The following HOMER3 variants were observed in gnomAD, a reference collection of about 807,000 sequenced individuals.
HOMER3 encodes homer scaffold protein 3, also known as homer protein homolog 3.
A neutral mutation model predicts 45.5 loss-of-function variants in HOMER3; 34 were observed. That is an observed-to-expected ratio of 0.75 (90% CI 0.57 to 1.00). HOMER3 has a LOEUF of 1.00. HOMER3 is among the 50% of genes least tolerant of loss of function. The pLI is 0.00. For missense variants in HOMER3, 480 were observed against 497.5 expected (o/e 0.96, Z 0.33); for synonymous variants, 223 against 208.8 (o/e 1.07, Z -0.58).
At position 18,938,952 on chromosome 19, in the gene HOMER3, G is replaced by A. The variant is rs1474852878; in HGVS notation, c.14+17C>T. ...CTTAGAAAGCTCAGGGCCAGGCTGG[G>A]GGAGGTGGGAGCTCACCTGGCTGTG... On this transcript the variant is annotated intron_variant, in intron 2 of 9. Transcript: ENST00000392351. The A allele has an allele frequency of 3.7e-6, 6 of 1,605,544 alleles. No individual in the cohort carries two copies. Among genetic ancestry groups the A allele is most frequent in the South Asian group, 1.1e-5 (1 of 89,546 alleles).
chr19:18,935,831 C>A (rs543750310), intron 4 of HOMER3, among the ~76,000 whole-genome samples: 1 of 151,762 alleles, frequency 6.6e-6, no homozygotes, highest in Non-Finnish European at 1.5e-5. Flanking sequence ...ACCAGCCTGG[C>A]CAACATGGTG....
intron 5 of HOMER3, among the ~76,000 whole-genome samples, chr19:18,933,303 A>G (rs904426442): frequency 2.0e-5 from 3 of 152,062 alleles, no homozygotes; most frequent in Non-Finnish European, 4.4e-5. Context: ...AGTCTGATGC[A>G]GGTTAGTCTA....
chr19:18,938,387 C>T lies in HOMER3; in HGVS notation c.269G>A (p.Gly90Asp). 1 of 1,613,948 alleles carries T rather than the reference C, an allele frequency of 6.2e-7. No individual in the cohort carries two copies. The highest frequency in any genetic ancestry group is 8.5e-7 in the Non-Finnish European group (1 of 1,179,872). The stretch of plus-strand genomic sequence containing the variant: ...ATGCTGTTCAGAGGCAAAGCCCAGG[C>T]CGTAGACTGTGTTGGCGCGACTGTC... The part of the protein sequence containing the change: ...WADSRANTVY[G>D]LGFASEQHLT... The change falls in exon 4 of 10, where the codon GGC becomes GAC. Residue 90 changes from glycine (G) to aspartate (D), a missense_variant. By Grantham distance (94) the Gly-to-Asp change is moderately conservative. Coordinates refer to ENST00000392351, the MANE Select transcript of HOMER3 (RefSeq NM_004838.4).
Position 18,938,783 on chromosome 19 carries a change from T to C in HOMER3, c.116A>G (p.Tyr39Cys), listed in dbSNP as rs374896199. 4.9e-5 allele frequency: 79 copies of C among 1,596,618 alleles called. No individual in the cohort carries two copies. Among genetic ancestry groups the C allele is most frequent in the South Asian group, 2.2e-4 (19 of 88,366 alleles). Reference protein sequence around the residue: ...PAGKHALTVSYFYDATRNVYR... With the variant: ...PAGKHALTVSCFYDATRNVYR... ...CACATTGCGGGTGGCATCGTAGAAATAGGAGACAGTGAGTGCGTGCTTGCC... is the reference window on the plus strand; with the variant it reads ...CACATTGCGGGTGGCATCGTAGAAACAGGAGACAGTGAGTGCGTGCTTGCC... Residue 39 changes from tyrosine to cysteine, a missense_variant, in exon 3 of 10, where the codon TAT becomes TGT. Transcript: ENST00000392351.
chr19:18,932,879 A>AAAC, intron 6 of HOMER3, 45 bp downstream of exon 6: 1 of 226,452 alleles, frequency 4.4e-6, no homozygotes, highest in Non-Finnish European at 8.4e-6. Flanking sequence ...CTCGTCCCCC[A>AAAC]CCCCTACCCC....
Position 18,929,250 on chromosome 19 carries a change from A to C in HOMER3, c.*193T>G. On this transcript the variant is annotated 3_prime_UTR_variant, in exon 10 of 10. Coordinates refer to ENST00000392351, the MANE Select transcript of HOMER3 (RefSeq NM_004838.4). ...GGATCTAGAAATTCTACACAATGAG[A>C]AGCTCAAAAACAGCCCCAAAGCTGC... The C allele has an allele frequency of 1.3e-6, 1 of 767,238 alleles. No individual in the cohort carries two copies. Among genetic ancestry groups the C allele is most frequent in the Non-Finnish European group, 2.4e-6 (1 of 420,594 alleles). The allele number at this position is 767,238 out of a possible 1,614,324, so 47.5% of individuals were successfully genotyped here.
chr19:18,931,231 C>T (rs533011869), intron 9 of HOMER3, 94 bp downstream of exon 9: 3 of 1,155,078 alleles, frequency 2.6e-6, no homozygotes, highest in East Asian at 4.7e-5. Context: ...ACTGGGCCTC[C>T]CAATACTTTA....
At chr19:18,929,994 A>G (rs2057013069) in intron 9 of HOMER3, among the ~76,000 whole-genome samples, 1 of 151,990 alleles carries the variant, frequency 6.6e-6, no homozygotes, top group African/African-American at 2.4e-5. Flanking sequence ...TTACACCTGT[A>G]ATCCCAGAAC....
At chr19:18,935,216 T>A (rs1238738586) in intron 4 of HOMER3, among the ~76,000 whole-genome samples, 2 of 147,390 alleles carry the variant, frequency 1.4e-5, no homozygotes, top group African/African-American at 5.0e-5. Context: ...CTCAGCTCAC[T>A]GCAACCTCTG....
chr19:18,934,427 GAA>G lies in HOMER3; in HGVS notation c.304-19_304-18del, dbSNP rs771093465. The G allele has an allele frequency of 3.3e-6, 5 of 1,519,330 alleles. No homozygotes were observed. The highest frequency in any genetic ancestry group is 2.5e-5 in the East Asian group (1 of 40,656). The allele number at this position is 1,519,330 out of a possible 1,614,324, so 94.1% of individuals were successfully genotyped here. On this transcript the variant is annotated intron_variant, in intron 4 of 9. Transcript: ENST00000392351. The stretch of plus-strand genomic sequence containing the variant: ...CTCGGCAAACTAAGGGAGTGGGGAG[GAA>G]AAGACAGTAAAACCCCAGCCCATCC...
chr19:18,929,587 C>T lies in HOMER3; in HGVS notation c.942G>A (p.Met314Ile). The stretch of plus-strand genomic sequence containing the variant: ...CCCGTGCCTCCTCCAGGCTGCGCTC[C>T]ATCGCCCGCAGCTGGTGCTCCAACT... ...NAELEHQLRA[M>I]ERSLEEARAE... Residue 314 changes from methionine (M) to isoleucine (I), a missense_variant, in exon 10 of 10, where the codon ATG (methionine) becomes ATA (isoleucine). Transcript: ENST00000392351. 4 of 1,541,674 alleles carry T rather than the reference C, an allele frequency of 2.6e-6. No homozygotes were observed. The highest frequency in any genetic ancestry group is 3.5e-6 in the Non-Finnish European group (4 of 1,142,894).
At chr19:18,934,499 G>A (rs759989187) in intron 4 of HOMER3, 89 bp from the exon 5 acceptor site, 17 of 669,664 alleles carry the variant, frequency 2.5e-5, no homozygotes, top group Middle Eastern at 5.0e-4. Flanking sequence ...CGCCACTTTC[G>A]AACCGTACCC....
intron 4 of HOMER3, among the ~76,000 whole-genome samples, chr19:18,935,695 C>T (rs1234852355): frequency 6.6e-6 from 1 of 152,150 alleles, no homozygotes; most frequent in Non-Finnish European, 1.5e-5. Flanking sequence ...CCCCACCACC[C>T]CGGTTTTAAA....
chr19:18,936,832 T>A (rs534976871), intron 4 of HOMER3, among the ~76,000 whole-genome samples: 26 of 150,816 alleles, frequency 1.7e-4, no homozygotes, highest in Admixed American at 1.7e-3. Flanking sequence ...CTATTAAAAA[T>A]ACAAAAAAAA....
Position 18,931,583 on chromosome 19 carries a change from TG to T in HOMER3, c.732del (p.Thr245ProfsTer30). 1 of 1,613,062 alleles carries T rather than the reference TG, an allele frequency of 6.2e-7. No homozygotes were observed. The highest frequency in any genetic ancestry group is 1.1e-5 in the South Asian group (1 of 91,048). On this transcript the variant is annotated frameshift_variant, in exon 8 of 10. Coordinates refer to ENST00000392351, the MANE Select transcript of HOMER3 (RefSeq NM_004838.4). LOFTEE classifies it high-confidence loss of function. ...LEAQAASEVT[P>X]TGEKEGLGQG... ...TGGCCCAGCCCCTCCTTCTCACCGG[TG>T]GGGGTCACCTCTGAAGCTGCCTGAG...
intron 1 of HOMER3, chr19:18,939,518 C>A: frequency 6.5e-6 from 1 of 152,862 alleles, no homozygotes; most frequent in Non-Finnish European, 1.5e-5. Flanking sequence ...GCAAGCAGAC[C>A]CCATCTTTCT....
chr19:18,931,648 C>G, intron 7 of HOMER3, 23 bp from the exon 8 acceptor site: 1 of 1,572,174 alleles, frequency 6.4e-7, no homozygotes, highest in Non-Finnish European at 8.6e-7. Flanking sequence ...AATAGCAGCC[C>G]CTGACGCCCC....
At chr19:18,934,659 T>A (rs971694354) in intron 4 of HOMER3, among the ~76,000 whole-genome samples, 27 of 152,132 alleles carry the variant, frequency 1.8e-4, no homozygotes, top group African/African-American at 5.8e-4. Context: ...TGTCCTCTTT[T>A]TAGGAAAGGG....
chr19:18,933,157 C>A, intron 5 of HOMER3, 112 bp from the exon 6 acceptor site: 1 of 1,305,552 alleles, frequency 7.7e-7, no homozygotes, highest in Non-Finnish European at 9.9e-7. Flanking sequence ...CTAAGCAGGT[C>A]CTTCACAGCA....
Sources: allele counts gnomAD v4.1 joint callset (sites outside exome capture counted in the v4.1 genomes callset), GRCh38; gene constraint gnomAD v4.1.1; transcripts MANE v1.5; gene names NCBI Gene and HGNC (gene_info 2026-07-23, HGNC 2026-07-21).